Variants in MAP6 observed in about 807,000 individuals in gnomAD.
MAP6 encodes microtubule-associated protein 6.
MAP6 carries 26 observed loss-of-function variants against 42.4 expected under a neutral mutation model. That is an observed-to-expected ratio of 0.61 (90% CI 0.45 to 0.85). MAP6 has a LOEUF of 0.85. Among genes scored for constraint, MAP6 ranks in the 40% least tolerant of loss-of-function variants. MAP6 has a pLI of 0.00. For missense variants in MAP6, 966 were observed against 1,099.0 expected (o/e 0.88, Z 1.71); for synonymous variants, 418 against 443.8 (o/e 0.94, Z 0.73).
At chr11:75,653,667 T>A (rs1248954414) in intron 1 of MAP6, among the ~76,000 whole-genome samples, 1 of 152,244 alleles carries the variant, frequency 6.6e-6, no homozygotes, top group East Asian at 1.9e-4. Context: ...TTTTTGTGTA[T>A]GCAAAGTGGC....
At chr11:75,656,170 C>G (rs1411386653) in intron 1 of MAP6, among the ~76,000 whole-genome samples, 1 of 152,122 alleles carries the variant, frequency 6.6e-6, no homozygotes, top group African/African-American at 2.4e-5. Context: ...TAGGATATGC[C>G]ACAATGTAGG....
At chr11:75,596,898 A>C (rs1412626840) in intron 3 of MAP6, among the ~76,000 whole-genome samples, 1 of 152,206 alleles carries the variant, frequency 6.6e-6, no homozygotes, top group African/African-American at 2.4e-5. Flanking sequence ...GGGACAGAGG[A>C]GGAGGCTGCT....
At chr11:75,602,484 C>A (rs1216060643) in intron 3 of MAP6, among the ~76,000 whole-genome samples, 1 of 152,120 alleles carries the variant, frequency 6.6e-6, no homozygotes, top group Non-Finnish European at 1.5e-5. Context: ...CTCTGCCATC[C>A]CTTGGGAGGA....
intron 1 of MAP6, among the ~76,000 whole-genome samples, chr11:75,615,388 C>A (rs1250836104): frequency 6.6e-6 from 1 of 152,194 alleles, no homozygotes; most frequent in Non-Finnish European, 1.5e-5. Context: ...ACATTCATAT[C>A]AGAAGAATTA....
At chr11:75,635,877 C>G (rs888148240) in intron 1 of MAP6, 1 of 152,232 alleles carries the variant, frequency 6.6e-6, no homozygotes, top group Non-Finnish European at 1.5e-5. Context: ...TACTGAAGCA[C>G]GAGAAAGGCT....
chr11:75,590,630 G>T (rs1248489239), intron 3 of MAP6, among the ~76,000 whole-genome samples: 1 of 152,092 alleles, frequency 6.6e-6, no homozygotes, highest in Non-Finnish European at 1.5e-5. Flanking sequence ...TCATGGGAAG[G>T]TTATAATTAA....
Position 75,633,862 on chromosome 11 carries a change from C to T in MAP6, c.906-25540G>A, listed in dbSNP as rs143057874. Among the ~76,000 whole-genome samples, 26 of 152,296 alleles carry T rather than the reference C, an allele frequency of 1.7e-4. No homozygotes were observed. In the East Asian group the frequency reaches 3.1e-3, roughly 18 times the overall value. On this transcript the variant is annotated intron_variant, in intron 1 of 3. Transcript: ENST00000304771. ...GCAGAGTGGGGAGGGCCTTGGATAA[C>T]AGAGAGAGGGATTTGGTTTAATCTT...
At chr11:75,660,101 C>T (rs1163845077) in intron 1 of MAP6, among the ~76,000 whole-genome samples, 1 of 152,186 alleles carries the variant, frequency 6.6e-6, no homozygotes, top group Non-Finnish European at 1.5e-5. Flanking sequence ...TCTCTCCTGG[C>T]TTTCTTCCCT....
At chr11:75,607,618 C>T (rs1413965220) in intron 2 of MAP6, 2 of 985,004 alleles carry the variant, frequency 2.0e-6, no homozygotes, top group Non-Finnish European at 1.2e-6. Context: ...GTGTTTAGCC[C>T]GAGAAGATGA....
chr11:75,613,053 G>C (rs1278669901), intron 1 of MAP6, among the ~76,000 whole-genome samples: 6 of 152,212 alleles, frequency 3.9e-5, no homozygotes, highest in African/African-American at 1.4e-4. Context: ...TCAGGCTGCA[G>C]GTTAGGGTCA....
intron 1 of MAP6, among the ~76,000 whole-genome samples, chr11:75,617,301 G>A (rs1943013220): frequency 6.6e-6 from 1 of 152,102 alleles, no homozygotes; most frequent in African/African-American, 2.4e-5. Context: ...CAGATCTCTT[G>A]AGGCCAGGAG....
At chr11:75,606,155 C>T in intron 2 of MAP6, 151 bp from the exon 3 acceptor site, 1 of 899,072 alleles carries the variant, frequency 1.1e-6, no homozygotes, top group Non-Finnish European at 1.6e-6. Context: ...TTCCCAAGGA[C>T]ATTAGGGCAT....
chr11:75,625,070 C>T (rs945301163), intron 1 of MAP6, among the ~76,000 whole-genome samples: 1 of 152,136 alleles, frequency 6.6e-6, no homozygotes, highest in African/African-American at 2.4e-5. Context: ...AGTTCAAGGG[C>T]CTCGCCGAGG....
chr11:75,588,894 G>A (rs911371618), intron 3 of MAP6, among the ~76,000 whole-genome samples: 1 of 152,132 alleles, frequency 6.6e-6, no homozygotes, highest in Admixed American at 6.5e-5. Flanking sequence ...TGTCACCTAG[G>A]CTGTTCTCCA....
rs747481081 is a variant in MAP6 at position 75,668,375 on chromosome 11, T to A, written c.-6A>T. The A allele has an allele frequency of 1.9e-6, 3 of 1,567,414 alleles. No individual in the cohort carries two copies. The South Asian group carries it at 3.4e-5, about 18-fold the overall frequency. ...GTGATGCACGGCCACGCCATGATGC[T>A]AGCTGAAAAGCCGGCCTCCTCTTTC... is the stretch of plus-strand genomic sequence containing the variant. On this transcript the variant is annotated 5_prime_UTR_variant, in exon 1 of 4. Transcript: ENST00000304771.
chr11:75,664,653 AG>A (rs1943916358), intron 1 of MAP6, among the ~76,000 whole-genome samples: 1 of 152,246 alleles, frequency 6.6e-6, no homozygotes, highest in African/African-American at 2.4e-5. Context: ...AGGCAACATA[AG>A]GCCCATCTTA....
At chr11:75,601,381 T>C (rs73505058) in intron 3 of MAP6, among the ~76,000 whole-genome samples, 2,174 of 152,386 alleles carry the variant, frequency 0.014, 67 homozygotes, top group African/African-American at 0.05. Context: ...TATGCTTTTA[T>C]GTATTTGTTT....
chr11:75,586,956 C>G lies in MAP6; in HGVS notation c.*103G>C, dbSNP rs1230615427. ...CCATTTTTATTAGATTCCAGCAAGA[C>G]TACTGTACATGTTTCATGCAGATTA... On this transcript the variant is annotated 3_prime_UTR_variant, in exon 4 of 4. Coordinates refer to ENST00000304771, the MANE Select transcript of MAP6 (RefSeq NM_033063.2). 1.6e-6 allele frequency: 2 copies of G among 1,248,008 alleles called. No individual in the cohort carries two copies. Among genetic ancestry groups the G allele is most frequent in the Non-Finnish European group, 1.1e-6 (1 of 896,998 alleles). 77.3% of individuals were successfully genotyped at this position (1,248,008 alleles called of 1,614,324 possible).
intron 3 of MAP6, among the ~76,000 whole-genome samples, chr11:75,589,383 C>A (rs1027037276): frequency 7.2e-5 from 11 of 152,232 alleles, no homozygotes; most frequent in Admixed American, 7.2e-4. Flanking sequence ...TCCTTGCAGG[C>A]CATGTTGGAA....
Sources: allele counts gnomAD v4.1 joint callset (sites outside exome capture counted in the v4.1 genomes callset), GRCh38; gene constraint gnomAD v4.1.1; transcripts MANE v1.5; gene names NCBI Gene and HGNC (gene_info 2026-07-23, HGNC 2026-07-21).